Variants in RPS6KC1 observed in about 807,000 individuals in gnomAD.
The protein encoded by RPS6KC1 is ribosomal protein S6 kinase C1.
A neutral mutation model predicts 103.8 loss-of-function variants in RPS6KC1; 54 were observed. That is an observed-to-expected ratio of 0.52 (90% CI 0.42 to 0.65). The LOEUF is 0.65. Among genes scored for constraint, RPS6KC1 ranks in the 30% least tolerant of loss-of-function variants. The pLI is 0.00. For synonymous variants in RPS6KC1, 439 were observed against 438.7 expected, an observed-to-expected ratio of 1.00 and a Z score of -0.01; for missense variants, 1,151 against 1,253.8, an observed-to-expected ratio of 0.92 and a Z score of 1.24.
At chr1:213,229,915 T>C (rs1402633140) in intron 8 of RPS6KC1, among the ~76,000 whole-genome samples, 1 of 151,990 alleles carries the variant, frequency 6.6e-6, no homozygotes, top group Non-Finnish European at 1.5e-5. Flanking sequence ...TAGGTAAGAG[T>C]TGATCTTTGC....
chr1:213,485,822 G>A, the RPS6KC1 span, among the ~76,000 whole-genome samples: 1 of 152,162 alleles, frequency 6.6e-6, no homozygotes, highest in Non-Finnish European at 1.5e-5. Flanking sequence ...CTTGAAAAAT[G>A]AGTAGGATTT....
intron 6 of RPS6KC1, among the ~76,000 whole-genome samples, chr1:213,159,288 A>G (rs2090225233): frequency 6.6e-6 from 1 of 152,136 alleles, no homozygotes; most frequent in Non-Finnish European, 1.5e-5. Flanking sequence ...GTCAAATTTT[A>G]TGTTGAGAGT....
Position 213,199,979 on chromosome 1 carries a change from A to G in RPS6KC1, c.1044+23487A>G, listed in dbSNP as rs567311891. Among the ~76,000 whole-genome samples the G allele has an allele frequency of 3.3e-5, 5 of 152,348 alleles. No individual in the cohort carries two copies. The South Asian group carries it at 1.0e-3, about 32-fold the overall frequency. On this transcript the variant is annotated intron_variant, in intron 8 of 14. Coordinates refer to ENST00000366960, the MANE Select transcript of RPS6KC1 (RefSeq NM_012424.6). Reference sequence around the variant, plus strand: ...GAACTGTAAGCCATTGCTCAAATAAATCAGAGGTGATGCAAACAAATGGGA... The same window carrying G: ...GAACTGTAAGCCATTGCTCAAATAAGTCAGAGGTGATGCAAACAAATGGGA...
At chr1:213,324,941 C>A in the RPS6KC1 span, among the ~76,000 whole-genome samples, 1 of 152,108 alleles carries the variant, frequency 6.6e-6, no homozygotes, top group Non-Finnish European at 1.5e-5. Context: ...GGGGCTCTAA[C>A]AGTACCGTTT....
At chr1:213,140,610 T>G (rs1367269877) in intron 6 of RPS6KC1, among the ~76,000 whole-genome samples, 1 of 152,134 alleles carries the variant, frequency 6.6e-6, no homozygotes, top group Non-Finnish European at 1.5e-5. Flanking sequence ...AGTTTTCATT[T>G]TTAGTTCTAT....
intron 8 of RPS6KC1, among the ~76,000 whole-genome samples, chr1:213,223,404 C>G (rs1209048867): frequency 1.3e-5 from 2 of 152,166 alleles, no homozygotes; most frequent in Non-Finnish European, 2.9e-5. Context: ...CATTATATCA[C>G]TCTTACGCCT....
intron 8 of RPS6KC1, among the ~76,000 whole-genome samples, chr1:213,197,630 G>A (rs1170063346): frequency 1.3e-5 from 2 of 152,110 alleles, no homozygotes; most frequent in East Asian, 1.9e-4. Context: ...TGGTGTATAA[G>A]TGCTGCTGGT....
chr1:213,685,151 T>A, the RPS6KC1 span, among the ~76,000 whole-genome samples: 1 of 152,198 alleles, frequency 6.6e-6, no homozygotes, highest in Non-Finnish European at 1.5e-5. Flanking sequence ...GTCTTCTTCC[T>A]GCTTTGTTGT....
chr1:213,252,266 C>T (rs1341058823), intron 12 of RPS6KC1, among the ~76,000 whole-genome samples: 1 of 152,158 alleles, frequency 6.6e-6, no homozygotes, highest in Non-Finnish European at 1.5e-5. Flanking sequence ...TGTGTAGGAA[C>T]ACAGTACTAA....
the RPS6KC1 span, among the ~76,000 whole-genome samples, chr1:213,605,119 C>A: frequency 1.3e-5 from 2 of 152,038 alleles, no homozygotes; most frequent in African/African-American, 4.8e-5. Context: ...CCCTTAGCTT[C>A]TTGGTAGTTT....
chr1:213,782,998 G>T, the RPS6KC1 span, among the ~76,000 whole-genome samples: 1 of 152,162 alleles, frequency 6.6e-6, no homozygotes, highest in Admixed American at 6.6e-5. Context: ...TTTCGGAAGC[G>T]CTGGACTATT....
chr1:213,598,091 C>G, the RPS6KC1 span, among the ~76,000 whole-genome samples: 1 of 152,092 alleles, frequency 6.6e-6, no homozygotes. Context: ...GGAAAAAGCC[C>G]CACAACTTGT....
At chr1:213,702,846 G>T in the RPS6KC1 span, among the ~76,000 whole-genome samples, 1 of 128,682 alleles carries the variant, frequency 7.8e-6, no homozygotes, top group African/African-American at 3.1e-5. Context: ...GATCATTGAG[G>T]TTTTTTTTGT....
chr1:213,111,938 G>C (rs2083065863), intron 4 of RPS6KC1, among the ~76,000 whole-genome samples: 1 of 152,080 alleles, frequency 6.6e-6, no homozygotes, highest in Non-Finnish European at 1.5e-5. Context: ...ATAAAGTGTA[G>C]AATAAAGTAA....
At chr1:213,389,721 C>T in the RPS6KC1 span, among the ~76,000 whole-genome samples, 105 of 152,264 alleles carry the variant, frequency 6.9e-4, no homozygotes, top group African/African-American at 2.3e-3. Context: ...GAAAATCTCA[C>T]GGAAATGCTG....
intron 8 of RPS6KC1, among the ~76,000 whole-genome samples, chr1:213,229,092 T>C (rs1249807934): frequency 6.6e-6 from 1 of 152,146 alleles, no homozygotes; most frequent in Non-Finnish European, 1.5e-5. Context: ...TTTGTTTGTT[T>C]GGTGAAGGCA....
chr1:213,154,220 T>C (rs1438751743), intron 6 of RPS6KC1, among the ~76,000 whole-genome samples: 1 of 152,240 alleles, frequency 6.6e-6, no homozygotes, highest in Admixed American at 6.5e-5. Flanking sequence ...GGCACAGTGC[T>C]GGGTCTTGTC....
chr1:213,054,300 C>T (rs932237310), intron 1 of RPS6KC1, among the ~76,000 whole-genome samples: 5 of 152,122 alleles, frequency 3.3e-5, no homozygotes, highest in Admixed American at 2.6e-4. Context: ...GCACAGACTG[C>T]CTTTTTTCTT....
chr1:213,142,710 A>G (rs2087216490), intron 6 of RPS6KC1, among the ~76,000 whole-genome samples: 1 of 152,144 alleles, frequency 6.6e-6, no homozygotes, highest in African/African-American at 2.4e-5. Flanking sequence ...CCAGCAACAT[A>G]AAAGCAGTAT....
Sources: gnomAD v4.1 joint callset for allele counts (sites outside exome capture counted in the v4.1 genomes callset) on GRCh38, gnomAD v4.1.1 for gene constraint, MANE v1.5 for transcripts, NCBI Gene and HGNC (gene_info 2026-07-23, HGNC 2026-07-21) for gene names.